Variants in MGLL observed in about 807,000 individuals in gnomAD.
The protein encoded by MGLL is monoglyceride lipase.
MGLL carries 7 observed loss-of-function variants against 29.1 expected under a neutral mutation model. The ratio of observed to expected loss-of-function variants is 0.24; its 90% confidence interval spans 0.14 to 0.45. The LOEUF is 0.45. Among genes scored for constraint, MGLL ranks in the 20% least tolerant of loss-of-function variants. The pLI is 0.99. For missense variants in MGLL, 356 were observed against 413.6 expected (o/e 0.86, Z 1.21); for synonymous variants, 148 against 168.3 (o/e 0.88, Z 0.93).
At chr3:127,694,789 G>T (rs1037171117) in intron 7 of MGLL, among the ~76,000 whole-genome samples, 186 bp downstream of exon 7, 1 of 152,114 alleles carries the variant, frequency 6.6e-6, no homozygotes, top group African/African-American at 2.4e-5. Flanking sequence ...AATGACTCGT[G>T]TTCTCTTGAA....
At chr3:127,774,887 G>T (rs1025963176) in intron 3 of MGLL, among the ~76,000 whole-genome samples, 14 of 152,196 alleles carry the variant, frequency 9.2e-5, no homozygotes, top group Middle Eastern at 3.4e-3. Context: ...CATCTCCACG[G>T]CCACAGAGCA....
chr3:127,754,517 C>T (rs78161983), intron 3 of MGLL, among the ~76,000 whole-genome samples: 5,826 of 152,298 alleles, frequency 0.038, 117 homozygotes, highest in African/African-American at 0.047. Flanking sequence ...GCAACGGCCC[C>T]GCTAGGCAGC....
At chr3:127,727,775 A>G (rs1196083036) in intron 3 of MGLL, among the ~76,000 whole-genome samples, 2 of 144,170 alleles carry the variant, frequency 1.4e-5, no homozygotes. Flanking sequence ...ACCTTCTTTG[A>G]TTTTGTATTT....
chr3:127,798,238 G>C (rs564957331), intron 2 of MGLL, among the ~76,000 whole-genome samples: 4 of 152,096 alleles, frequency 2.6e-5, no homozygotes, highest in Admixed American at 1.3e-4. Flanking sequence ...GCTTTTCTTC[G>C]TATCTATGTA....
In MGLL at chr3:127,694,972, C is replaced by T. The variant is rs2075329250; in HGVS notation, c.816+3G>A. On this transcript the variant is annotated splice_donor_region_variant and intron_variant, in intron 7 of 7. Coordinates refer to ENST00000265052, the MANE Select transcript of MGLL (RefSeq NM_007283.7). The stretch of plus-strand genomic sequence containing the variant: ...GGGAAGTGGGCAAGTGGCAGCCGCT[C>T]ACCTTGAGAGTCTTGTCCTGGCTCT... The T allele has an allele frequency of 6.2e-7, 1 of 1,613,586 alleles. No individual in the cohort carries two copies. The highest frequency in any genetic ancestry group is 8.5e-7 in the Non-Finnish European group (1 of 1,179,890).
rs1223044839 is a variant in MGLL, at chr3:127,728,702, T to C, written c.263-6136A>G. 2.0e-5 allele frequency among the ~76,000 whole-genome samples: 3 copies of C among 152,366 alleles called. No individual in the cohort carries two copies. In the South Asian group the frequency reaches 6.2e-4, roughly 32 times the overall value. On this transcript the variant is annotated intron_variant, in intron 3 of 7. Transcript: ENST00000265052. Reference sequence around the variant, plus strand: ...CGGTAGATAAACTTGGACTATTTTATGTCATCTGCATGATGTTGTATCTTC... The same window carrying C: ...CGGTAGATAAACTTGGACTATTTTACGTCATCTGCATGATGTTGTATCTTC...
At chr3:127,701,114 C>T (rs1352211849) in intron 6 of MGLL, among the ~76,000 whole-genome samples, 1 of 146,774 alleles carries the variant, frequency 6.8e-6, no homozygotes, top group Non-Finnish European at 1.5e-5. Context: ...ACTGCGGGGG[C>T]TGAGGTGGGA....
At chr3:127,716,963 T>C (rs782449) in intron 5 of MGLL, among the ~76,000 whole-genome samples, 97,310 of 152,112 alleles carry the variant, frequency 0.64, 31,567 homozygotes, top group African/African-American at 0.76. Flanking sequence ...GGCCAGGACA[T>C]TTGTTTCCTG....
At chr3:127,708,078 T>A (rs775218266) in intron 6 of MGLL, among the ~76,000 whole-genome samples, 16 of 152,208 alleles carry the variant, frequency 1.1e-4, no homozygotes, top group African/African-American at 3.6e-4. Context: ...AGGCAAACAT[T>A]TCTTTTTGGT....
At chr3:127,697,302 T>C (rs1394630752) in intron 6 of MGLL, among the ~76,000 whole-genome samples, 1 of 152,226 alleles carries the variant, frequency 6.6e-6, no homozygotes, top group Non-Finnish European at 1.5e-5. Flanking sequence ...TACCAGCCTG[T>C]GCAGGGCTGC....
At chr3:127,808,309 C>T (rs557109120) in intron 2 of MGLL, among the ~76,000 whole-genome samples, 1 of 152,310 alleles carries the variant, frequency 6.6e-6, no homozygotes, top group African/African-American at 2.4e-5. Context: ...CTTAGCTTTG[C>T]TTTCTTAAGG....
At chr3:127,712,231 A>C (rs1436496384) in intron 5 of MGLL, 1 of 152,142 alleles carries the variant, frequency 6.6e-6, no homozygotes, top group East Asian at 1.9e-4. Flanking sequence ...CAGAGCTCTA[A>C]CCTTCCCGTG....
chr3:127,740,334 T>C (rs368968738), intron 3 of MGLL, among the ~76,000 whole-genome samples: 6 of 152,296 alleles, frequency 3.9e-5, no homozygotes. Context: ...CTGTCTTCCC[T>C]GCCCCCACCC....
chr3:127,768,556 A>G (rs1342093146), intron 3 of MGLL, among the ~76,000 whole-genome samples: 1 of 152,212 alleles, frequency 6.6e-6, no homozygotes, highest in Non-Finnish European at 1.5e-5. Flanking sequence ...ATAAAATGTT[A>G]AGAATCGAGG....
chr3:127,721,281 G>C, intron 4 of MGLL, 118 bp from the exon 5 acceptor site: 2 of 803,686 alleles, frequency 2.5e-6, no homozygotes, highest in Non-Finnish European at 4.2e-6. Context: ...CCCTGAGGAG[G>C]ACTACCTTGG....
chr3:127,766,301 A>G (rs1040271664), intron 3 of MGLL, among the ~76,000 whole-genome samples: 2 of 152,224 alleles, frequency 1.3e-5, no homozygotes, highest in Admixed American at 6.5e-5. Flanking sequence ...TTCCACACCC[A>G]GCACTGACCC....
At chr3:127,777,502 G>T (rs755274074) in intron 3 of MGLL, among the ~76,000 whole-genome samples, 1 of 152,230 alleles carries the variant, frequency 6.6e-6, no homozygotes. Context: ...AGCCTGCCAG[G>T]ATTTCTAAGT....
intron 2 of MGLL, among the ~76,000 whole-genome samples, chr3:127,818,466 T>C (rs1335707611): frequency 6.6e-6 from 1 of 152,146 alleles, no homozygotes; most frequent in Non-Finnish European, 1.5e-5. Context: ...GCCTCTGTCT[T>C]CTGAGTTTCT....
intron 6 of MGLL, among the ~76,000 whole-genome samples, chr3:127,696,710 G>A (rs1031529218): frequency 1.3e-4 from 20 of 152,104 alleles, no homozygotes; most frequent in African/African-American, 4.1e-4. Flanking sequence ...TACCGCGCCC[G>A]GCCCCATGAT....
Sources: gnomAD v4.1 joint callset for allele counts (sites outside exome capture counted in the v4.1 genomes callset) on GRCh38, gnomAD v4.1.1 for gene constraint, MANE v1.5 for transcripts, NCBI Gene and HGNC (gene_info 2026-07-23, HGNC 2026-07-21) for gene names.